The following SNX29 variants were observed in gnomAD, a reference collection of about 807,000 sequenced individuals.
SNX29 encodes sorting nexin 29.
Under a neutral mutation model 102.1 loss-of-function variants are expected in SNX29, and 78 were observed. The ratio of observed to expected loss-of-function variants is 0.76; its 90% CI spans 0.64 to 0.92. SNX29 has a LOEUF of 0.92. Ranked by LOEUF, SNX29 falls within the 40% of genes least tolerant of loss-of-function variation. The pLI, the probability that SNX29 is intolerant of heterozygous loss-of-function variation, is 0.00. For synonymous variants in SNX29, 580 were observed against 414.5 expected (o/e 1.40, Z -4.85); for missense variants, 1,280 against 1,061.7 (o/e 1.21, Z -2.86).
At chr16:12,074,935 C>T (rs1251642968) in intron 10 of SNX29, among the ~76,000 whole-genome samples, 1 of 152,102 alleles carries the variant, frequency 6.6e-6, no homozygotes. Context: ...TCACTGATAC[C>T]CTTTCTTCCA....
In SNX29 at chr16:12,356,188, T is replaced by A. The variant is rs761506772; in HGVS notation, c.1808T>A (p.Ile603Asn). 6.2e-7 allele frequency: 1 copy of A among 1,613,284 alleles called. No homozygotes were observed. The highest frequency in any genetic ancestry group is 8.5e-7 in the Non-Finnish European group (1 of 1,179,710). ...GTGGCAGAGATGCATGGCGAGCTGA[T>A]TGAGTTCAACGAGCGCCTGCACAGG... The part of the protein sequence containing the change: ...IEVAEMHGEL[I>N]EFNERLHRAL... The change falls in exon 16 of 21, where the codon ATT (isoleucine) becomes AAT (asparagine). Residue 603 changes from isoleucine to asparagine, a missense_variant. Coordinates refer to ENST00000566228, the MANE Select transcript of SNX29 (RefSeq NM_032167.5).
chr16:12,448,008 G>T (rs1265144905), intron 18 of SNX29, among the ~76,000 whole-genome samples: 1 of 152,188 alleles, frequency 6.6e-6, no homozygotes, highest in African/African-American at 2.4e-5. Flanking sequence ...TGGGGCTTGG[G>T]AATGATGATG....
intron 18 of SNX29, among the ~76,000 whole-genome samples, chr16:12,431,780 G>A (rs560244856): frequency 3.9e-5 from 6 of 152,142 alleles, no homozygotes; most frequent in Non-Finnish European, 8.8e-5. Flanking sequence ...ACCCACAGCC[G>A]GTGCTGTGAG....
At chr16:12,386,187 A>G (rs933744530) in intron 16 of SNX29, among the ~76,000 whole-genome samples, 2 of 152,170 alleles carry the variant, frequency 1.3e-5, no homozygotes, top group Non-Finnish European at 2.9e-5. Flanking sequence ...ATCCAAGACC[A>G]AGGTCATTCT....
In SNX29 at chr16:12,570,077, T is replaced by G. The variant is rs1188993905; in HGVS notation, c.*1448T>G. On this transcript the variant is annotated 3_prime_UTR_variant, in exon 21 of 21. Coordinates refer to ENST00000566228, the MANE Select transcript of SNX29 (RefSeq NM_032167.5). ...CATCTCTGGAGAATCATCTGGAAGG[T>G]TTATACTGTGCCTTCCCCTCGTAGC... 5.4e-6 allele frequency: 4 copies of G among 740,664 alleles called. No individual in the cohort carries two copies. Among genetic ancestry groups the G allele is most frequent in the Non-Finnish European group, 3.4e-6 (2 of 583,456 alleles). The allele number at this position is 740,664 out of a possible 1,614,324, so 45.9% of individuals were successfully genotyped here. A position where few individuals can be genotyped will look rare whatever the true frequency, so the allele number is the denominator to read the frequency against.
intron 15 of SNX29, among the ~76,000 whole-genome samples, chr16:12,353,441 C>T (rs78370510): frequency 0.012 from 1,760 of 140,812 alleles, 16 homozygotes; most frequent in Non-Finnish European, 0.017. Flanking sequence ...TTGCCATCCT[C>T]ACAGTGGCCT....
intron 16 of SNX29, among the ~76,000 whole-genome samples, chr16:12,362,957 G>A (rs1045405040): frequency 3.3e-5 from 5 of 152,138 alleles, no homozygotes; most frequent in Non-Finnish European, 7.3e-5. Context: ...AATGTCACCA[G>A]TGGGCCCCCA....
intron 1 of SNX29, among the ~76,000 whole-genome samples, chr16:11,981,567 T>A (rs897700342): frequency 4.6e-5 from 7 of 152,214 alleles, no homozygotes; most frequent in African/African-American, 1.7e-4. Flanking sequence ...CCTTTTGGTG[T>A]GGCATAAAGT....
chr16:12,541,528 A>C (rs2077340379), intron 20 of SNX29, among the ~76,000 whole-genome samples: 1 of 152,064 alleles, frequency 6.6e-6, no homozygotes, highest in Non-Finnish European at 1.5e-5. Context: ...CCATTTCAGC[A>C]TGTAGTTGTT....
chr16:12,543,225 G>A (rs1455878359), intron 20 of SNX29, among the ~76,000 whole-genome samples: 1 of 152,220 alleles, frequency 6.6e-6, no homozygotes, highest in Admixed American at 6.5e-5. Context: ...GATAGCTGTA[G>A]CGGAAATTCT....
chr16:12,393,405 C>A (rs1456850032), intron 16 of SNX29, among the ~76,000 whole-genome samples: 3 of 139,022 alleles, frequency 2.2e-5, no homozygotes, highest in Non-Finnish European at 4.9e-5. Flanking sequence ...TGCATGCATG[C>A]ATGCATGCAT....
At chr16:12,540,282 A>G (rs1402191018) in intron 20 of SNX29, among the ~76,000 whole-genome samples, 1 of 152,098 alleles carries the variant, frequency 6.6e-6, no homozygotes, top group Non-Finnish European at 1.5e-5. Flanking sequence ...GGAGGACAGG[A>G]CTAGAGGCAT....
intron 15 of SNX29, among the ~76,000 whole-genome samples, chr16:12,332,346 G>A (rs145847124): frequency 2.6e-4 from 40 of 152,266 alleles, no homozygotes; most frequent in African/African-American, 8.2e-4. Flanking sequence ...ATGAAGCTCC[G>A]TCATTTTCCA....
At chr16:12,086,881 G>C (rs768081520) in intron 11 of SNX29, 5 of 152,118 alleles carry the variant, frequency 3.3e-5, no homozygotes, top group Non-Finnish European at 7.3e-5. Flanking sequence ...TAGAAGATGC[G>C]GGTGAGAGAG....
rs776795894 is a variant in SNX29 at position 12,524,700 on chromosome 16, A to G, written c.2179-2A>G. On this transcript the variant is annotated splice_acceptor_variant, in intron 19 of 20. Transcript: ENST00000566228. LOFTEE classifies it high-confidence loss of function. ...AAGCGAAGATGTTTTGTGTTTCCTC[A>G]GGATGCCAAGTTTGTGGAGGAACGG... is the stretch of plus-strand genomic sequence containing the variant. 2.5e-6 allele frequency: 4 copies of G among 1,612,912 alleles called. No homozygotes were observed. Among genetic ancestry groups the G allele is most frequent in the Admixed American group, 1.7e-5 (1 of 59,858 alleles).
chr16:12,094,671 G>A (rs569751015), intron 11 of SNX29, among the ~76,000 whole-genome samples: 1 of 152,282 alleles, frequency 6.6e-6, no homozygotes, highest in South Asian at 2.1e-4. Context: ...TGGGATGAGG[G>A]TCCTTCCGGC....
At chr16:12,331,300 C>T (rs772709089) in intron 15 of SNX29, among the ~76,000 whole-genome samples, 66 of 152,198 alleles carry the variant, frequency 4.3e-4, no homozygotes, top group Non-Finnish European at 8.8e-4. Context: ...AAGTGGGTCC[C>T]TTGGTCATGC....
At position 12,226,610 on chromosome 16, in the gene SNX29, G is replaced by C. The variant is rs78948368; in HGVS notation, c.1678+26927G>C. ...TTTTTTGGAGACAGAGTCTTGCTCT[G>C]TCACCCAGGCTAGAGTACACTGGTG... On this transcript the variant is annotated intron_variant, in intron 14 of 20. Transcript: ENST00000566228. 4.7e-4 allele frequency among the ~76,000 whole-genome samples: 66 copies of C among 140,768 alleles called. No individual in the cohort carries two copies. The East Asian group carries it at 0.011, about 23-fold the overall frequency. The allele number at this position is 140,768 out of a possible 152,430, so 92.3% of individuals were successfully genotyped here. A position where few individuals can be genotyped will look rare whatever the true frequency, so the allele number is the denominator to read the frequency against.
At chr16:12,089,051 A>C (rs1353989298) in intron 11 of SNX29, among the ~76,000 whole-genome samples, 2 of 152,100 alleles carry the variant, frequency 1.3e-5, no homozygotes, top group East Asian at 3.9e-4. Context: ...ATACCACTGC[A>C]TTACAGCCTA....
Sources: gnomAD v4.1 joint callset for allele counts (sites outside exome capture counted in the v4.1 genomes callset) on GRCh38, gnomAD v4.1.1 for gene constraint, MANE v1.5 for transcripts, NCBI Gene and HGNC (gene_info 2026-07-23, HGNC 2026-07-21) for gene names.